The following PLA2G2C variants were observed in gnomAD, a reference collection of about 807,000 sequenced individuals.
PLA2G2C encodes the protein phospholipase A2 group IIC.
In PLA2G2C, 15 loss-of-function variants were observed where a neutral mutation model predicts 14.3. The ratio of observed to expected loss-of-function variants is 1.05; its 90% CI spans 0.70 to 1.62. The LOEUF is 1.62. PLA2G2C is among the 40% of genes most tolerant of loss of function. The pLI is 0.00. For synonymous variants in PLA2G2C, 79 were observed against 67.7 expected (o/e 1.17, Z -0.82); for missense variants, 162 against 173.2 (o/e 0.94, Z 0.36).
intron 3 of PLA2G2C, among the ~76,000 whole-genome samples, 174 bp downstream of exon 3, chr1:20,174,833 C>T (rs908365127): frequency 2.0e-5 from 3 of 152,112 alleles, no homozygotes; most frequent in Non-Finnish European, 4.4e-5. Context: ...AAGCTGGCCC[C>T]GACCCTGGGT....
intron 1 of PLA2G2C, among the ~76,000 whole-genome samples, chr1:20,184,785 G>A (rs77094421): frequency 0.015 from 2,327 of 152,208 alleles, 73 homozygotes; most frequent in African/African-American, 0.052. Context: ...CTTCTAAGAG[G>A]GAGGAGGGAG....
In PLA2G2C at chr1:20,177,449, G is replaced by C; in HGVS notation, c.-76-10C>G. On this transcript the variant is annotated splice_polypyrimidine_tract_variant and intron_variant, in intron 1 of 4. Coordinates refer to ENST00000679259, the MANE Select transcript of PLA2G2C (RefSeq NM_001367969.2). The stretch of plus-strand genomic sequence containing the variant: ...TCTCCCAGCTGAACCTCTGTTCCAG[G>C]ACAAAATGACCAAAATGAGGCAAGG... 1 of 597,706 alleles carries C rather than the reference G, an allele frequency of 1.7e-6. No individual in the cohort carries two copies. The highest frequency in any genetic ancestry group is 3.0e-6 in the Non-Finnish European group (1 of 336,198). 37.0% of individuals were successfully genotyped at this position (597,706 alleles called of 1,614,324 possible).
At chr1:20,178,148 C>G (rs1240835759) in intron 1 of PLA2G2C, among the ~76,000 whole-genome samples, 1 of 152,178 alleles carries the variant, frequency 6.6e-6, no homozygotes, top group Non-Finnish European at 1.5e-5. Flanking sequence ...TAGGTAGACA[C>G]AGAATTCATA....
chr1:20,172,823 T>C lies in PLA2G2C; in HGVS notation c.254A>G (p.Gln85Arg), dbSNP rs1341174774. ...FSCQPVLNSY[Q>R]FHIVNGAVVC... is the part of the protein sequence containing the mutation. ...CACTGCGCCATTGACGATGTGGAAC[T>C]GGTAGCTGTTCAACACAGGCTGGCA... The change falls in exon 4 of 5, where the codon CAG becomes CGG. Residue 85 changes from glutamine to arginine, a missense_variant. Gln to Arg is a conservative substitution (Grantham distance 43, BLOSUM62 1). Coordinates refer to ENST00000679259, the MANE Select transcript of PLA2G2C (RefSeq NM_001367969.2). 1.2e-6 allele frequency: 2 copies of C among 1,613,732 alleles called. No homozygotes were observed. The highest frequency in any genetic ancestry group is 1.7e-6 in the Non-Finnish European group (2 of 1,179,810).
intron 3 of PLA2G2C, among the ~76,000 whole-genome samples, chr1:20,173,434 C>T (rs2018124500): frequency 2.0e-5 from 3 of 152,178 alleles, no homozygotes; most frequent in African/African-American, 7.2e-5. Context: ...ACAATCATTG[C>T]TGCCCTTTTG....
intron 4 of PLA2G2C, among the ~76,000 whole-genome samples, chr1:20,164,504 C>A (rs1389522085): frequency 6.6e-6 from 1 of 152,174 alleles, no homozygotes; most frequent in Non-Finnish European, 1.5e-5. Context: ...GGGCATCCCA[C>A]GAGTGCTGGA....
chr1:20,172,813 G>C lies in PLA2G2C; in HGVS notation c.264C>G (p.Ile88Met). 6.2e-7 allele frequency: 1 copy of C among 1,613,602 alleles called. No individual in the cohort carries two copies. The highest frequency in any genetic ancestry group is 1.3e-5 in the African/African-American group (1 of 74,994). The change falls in exon 4 of 5, where the codon ATC (isoleucine) becomes ATG (methionine). Residue 88 changes from isoleucine (I) to methionine (M), a missense_variant. Ile to Met is a conservative substitution (Grantham distance 10). Coordinates refer to ENST00000679259, the MANE Select transcript of PLA2G2C (RefSeq NM_001367969.2). ...ACTCACAAACCACTGCGCCATTGAC[G>C]ATGTGGAACTGGTAGCTGTTCAACA... ...QPVLNSYQFH[I>M]VNGAVVCGCT... is the part of the protein sequence containing the mutation.
intron 1 of PLA2G2C, among the ~76,000 whole-genome samples, chr1:20,178,760 T>G (rs1268809760): frequency 2.0e-5 from 3 of 152,232 alleles, no homozygotes; most frequent in African/African-American, 4.8e-5. Context: ...CGATAGACTC[T>G]TATTAAGCAC....
chr1:20,181,488 G>T (rs2018278447), intron 1 of PLA2G2C, among the ~76,000 whole-genome samples: 1 of 151,878 alleles, frequency 6.6e-6, no homozygotes, highest in South Asian at 2.1e-4. Context: ...AACCCCAGGT[G>T]CGTCTGACTC....
chr1:20,167,653 T>G (rs1191423331), intron 4 of PLA2G2C, among the ~76,000 whole-genome samples: 1 of 152,190 alleles, frequency 6.6e-6, no homozygotes. Flanking sequence ...GCCAGAGTGA[T>G]CTTTCTGGGG....
At chr1:20,165,736 G>A (rs2017965831) in intron 4 of PLA2G2C, among the ~76,000 whole-genome samples, 1 of 151,918 alleles carries the variant, frequency 6.6e-6, no homozygotes, top group Non-Finnish European at 1.5e-5. Context: ...ATGCTTGTGT[G>A]TGCAGGTATG....
Position 20,173,297 on chromosome 1 carries a change from T to C in PLA2G2C, c.180-400A>G, listed in dbSNP as rs182229427. On this transcript the variant is annotated intron_variant, in intron 3 of 4. Coordinates refer to ENST00000679259, the MANE Select transcript of PLA2G2C (RefSeq NM_001367969.2). ...AGCCTCTCCACCCCAGCCTGGATAA[T>C]AGAGCAAGACCCCGTCTCCCAAAAA... Among the ~76,000 whole-genome samples, 82 of 151,916 alleles carry C rather than the reference T, an allele frequency of 5.4e-4. No homozygotes were observed. The East Asian group carries it at 0.014, about 26-fold the overall frequency.
intron 4 of PLA2G2C, among the ~76,000 whole-genome samples, chr1:20,168,308 CCCAACATGTGT>C (rs2018010568): frequency 1.3e-5 from 2 of 152,340 alleles, no homozygotes; most frequent in East Asian, 3.9e-4. Flanking sequence ...GTATTGAGTT[CCCAACATGTGT>C]CTGGTCTTTG....
chr1:20,185,125 G>A (rs1353049937), intron 1 of PLA2G2C, among the ~76,000 whole-genome samples: 1 of 152,154 alleles, frequency 6.6e-6, no homozygotes. Flanking sequence ...GAAGGGGCGA[G>A]ACCCTGTCTC....
chr1:20,168,345 C>T (rs2018011193), intron 4 of PLA2G2C, among the ~76,000 whole-genome samples: 1 of 152,210 alleles, frequency 6.6e-6, no homozygotes, highest in African/African-American at 2.4e-5. Flanking sequence ...GAGCTGGGGG[C>T]ACAGGTGCAA....
At chr1:20,172,928 A>G in intron 3 of PLA2G2C, 31 bp from the exon 4 acceptor site, 1 of 1,559,126 alleles carries the variant, frequency 6.4e-7, no homozygotes, top group Non-Finnish European at 8.8e-7. Context: ...AATCTGCTGG[A>G]GGACCTTATC....
intron 1 of PLA2G2C, among the ~76,000 whole-genome samples, chr1:20,181,539 C>T (rs1197596888): frequency 4.7e-5 from 7 of 149,302 alleles, no homozygotes; most frequent in Middle Eastern, 3.4e-3. Context: ...CTCCTGCTTC[C>T]GTGCCTATCC....
intron 4 of PLA2G2C, among the ~76,000 whole-genome samples, chr1:20,171,178 C>T (rs979345811): frequency 3.1e-5 from 3 of 96,636 alleles, no homozygotes; most frequent in Non-Finnish European, 6.6e-5. Context: ...AGGCCACCTT[C>T]TCCAGTCCCC....
chr1:20,166,402 T>C (rs904472747), intron 4 of PLA2G2C, among the ~76,000 whole-genome samples: 12 of 152,118 alleles, frequency 7.9e-5, no homozygotes, highest in Non-Finnish European at 1.6e-4. Flanking sequence ...AGCGCCTGGG[T>C]GCCCTCTGCC....
Sources: gnomAD v4.1 joint callset for allele counts (sites outside exome capture counted in the v4.1 genomes callset) on GRCh38, gnomAD v4.1.1 for gene constraint, MANE v1.5 for transcripts, NCBI Gene and HGNC (gene_info 2026-07-23, HGNC 2026-07-21) for gene names.